The following RANBP17 variants were observed in gnomAD, a reference collection of about 807,000 sequenced individuals.
The protein encoded by RANBP17 is ran-binding protein 17.
RANBP17 carries 158 observed loss-of-function variants against 141.2 expected under a neutral mutation model. The ratio of observed to expected loss-of-function variants is 1.12; its 90% CI spans 0.98 to 1.28. RANBP17 has a LOEUF of 1.28. RANBP17 is among the 50% of genes most tolerant of loss of function. The pLI, the probability that RANBP17 is intolerant of heterozygous loss-of-function variation, is 0.00. For synonymous variants in RANBP17, 430 were observed against 450.0 expected, an observed-to-expected ratio of 0.96 and a Z score of 0.56; for missense variants, 1,438 against 1,290.7, an observed-to-expected ratio of 1.11 and a Z score of -1.75.
At chr5:170,890,167 A>G (rs927806805) in intron 3 of RANBP17, among the ~76,000 whole-genome samples, 12 of 152,180 alleles carry the variant, frequency 7.9e-5, no homozygotes, top group Admixed American at 3.9e-4. Context: ...TACTACCCAC[A>G]TAGGGTTTGC....
intron 13 of RANBP17, among the ~76,000 whole-genome samples, chr5:170,966,645 G>T (rs1398375225): frequency 2.6e-5 from 4 of 151,962 alleles, no homozygotes; most frequent in Non-Finnish European, 5.9e-5. Flanking sequence ...AGACAGGGAT[G>T]CCCTCTCTCA....
At chr5:170,957,387 TAC>T (rs1403765616) in intron 13 of RANBP17, among the ~76,000 whole-genome samples, 1 of 152,066 alleles carries the variant, frequency 6.6e-6, no homozygotes, top group African/African-American at 2.4e-5. Flanking sequence ...AGAAAACAAA[TAC>T]AGTCAATCTT....
At chr5:171,090,491 A>G (rs1043751060) in intron 14 of RANBP17, among the ~76,000 whole-genome samples, 5 of 152,170 alleles carry the variant, frequency 3.3e-5, no homozygotes, top group Non-Finnish European at 7.4e-5. Flanking sequence ...CAGCCTGACA[A>G]TGTGTTAGAA....
At chr5:171,201,260 G>A (rs1441964460) in intron 19 of RANBP17, among the ~76,000 whole-genome samples, 2 of 152,108 alleles carry the variant, frequency 1.3e-5, no homozygotes, top group African/African-American at 4.8e-5. Flanking sequence ...AACGGTATTT[G>A]CAAATAAAAT....
At chr5:170,970,692 A>T (rs552916281) in intron 14 of RANBP17, 2 of 151,940 alleles carry the variant, frequency 1.3e-5, no homozygotes, top group East Asian at 3.9e-4. Context: ...TTAAGACACT[A>T]TTTTTTTTAA....
At chr5:171,115,534 A>G (rs1483386462) in intron 14 of RANBP17, among the ~76,000 whole-genome samples, 7 of 152,214 alleles carry the variant, frequency 4.6e-5, no homozygotes, top group Admixed American at 4.6e-4. Context: ...GTAGGTATAG[A>G]TTTTAAATAA....
Position 171,277,637 on chromosome 5 carries a change from G to GTGTGTATATATA in RANBP17, c.2943+11791_2943+11792insGTGTATATATAT, listed in dbSNP as rs1437482589. On this transcript the variant is annotated intron_variant, in intron 25 of 27. Transcript: ENST00000523189. ...GTGCCTTACGTATACATATATGTAT[G>GTGTGTATATATA]TATATATATATATATATATATATAT... Among the ~76,000 whole-genome samples, 46 of 56,914 alleles carry GTGTGTATATATA rather than the reference G, an allele frequency of 8.1e-4. 1 individual carries two copies. The highest frequency in any genetic ancestry group is 1.6e-3 in the African/African-American group (28 of 17,220). The allele number at this position is 56,914 out of a possible 152,430, so 37.3% of individuals were successfully genotyped here.
intron 21 of RANBP17, among the ~76,000 whole-genome samples, chr5:171,218,559 T>C (rs1763362578): frequency 6.6e-6 from 1 of 152,208 alleles, no homozygotes; most frequent in African/African-American, 2.4e-5. Flanking sequence ...ACTTGTTTCA[T>C]GAATCTAGGT....
chr5:171,277,532 C>T (rs983202266), intron 25 of RANBP17, among the ~76,000 whole-genome samples: 4 of 147,158 alleles, frequency 2.7e-5, no homozygotes, highest in African/African-American at 1.0e-4. Context: ...ACCTCAGGCT[C>T]GAACAGAGAA....
rs116395318 is a variant in RANBP17, at chr5:171,022,018, T to C, written c.1710+53641T>C. On this transcript the variant is annotated intron_variant, in intron 14 of 27. Coordinates refer to ENST00000523189, the MANE Select transcript of RANBP17 (RefSeq NM_022897.5). ...TGCATTGTTTGTTTGTTTGTTTCAA[T>C]ATTCAGGTCCCTCCTCTGTAGGGTT... Among the ~76,000 whole-genome samples, 1,213 of 152,232 alleles carry C rather than the reference T, an allele frequency of 8.0e-3. 16 individuals carry two copies. The highest frequency in any genetic ancestry group is 0.028 in the African/African-American group (1,162 of 41,530).
At chr5:171,292,161 C>T (rs564368840) in intron 25 of RANBP17, among the ~76,000 whole-genome samples, 1 of 152,240 alleles carries the variant, frequency 6.6e-6, no homozygotes, top group East Asian at 1.9e-4. Context: ...CATGGAAACT[C>T]GTGATCTGCA....
chr5:171,095,995 A>T (rs1261049575), intron 14 of RANBP17, among the ~76,000 whole-genome samples: 2 of 152,168 alleles, frequency 1.3e-5, no homozygotes, highest in East Asian at 3.8e-4. Flanking sequence ...GTCATCACAA[A>T]GGTCTTTATT....
intron 14 of RANBP17, among the ~76,000 whole-genome samples, chr5:171,041,647 T>C (rs1782256311): frequency 6.6e-6 from 1 of 152,170 alleles, no homozygotes; most frequent in African/African-American, 2.4e-5. Context: ...AGCATGTTAC[T>C]ATACTGAATA....
chr5:170,972,338 C>T (rs1777051181), intron 14 of RANBP17, among the ~76,000 whole-genome samples: 1 of 151,982 alleles, frequency 6.6e-6, no homozygotes, highest in Admixed American at 6.6e-5. Context: ...TGCACCACCG[C>T]GCCTGGCTAA....
intron 5 of RANBP17, chr5:170,897,475 T>C (rs952740956): frequency 2.8e-6 from 1 of 354,746 alleles, no homozygotes; most frequent in African/African-American, 2.1e-5. Context: ...GTTACATAGG[T>C]ATACATGTGC....
At chr5:170,907,014 T>C (rs981288481) in intron 5 of RANBP17, among the ~76,000 whole-genome samples, 5 of 151,964 alleles carry the variant, frequency 3.3e-5, no homozygotes, top group Non-Finnish European at 1.5e-5. Flanking sequence ...ATTAAGCATT[T>C]CTGAACCAGG....
chr5:171,157,581 T>G (rs915813534), intron 14 of RANBP17, among the ~76,000 whole-genome samples: 6 of 152,220 alleles, frequency 3.9e-5, no homozygotes, highest in African/African-American at 1.4e-4. Context: ...TGGCAACATA[T>G]TTGCTGATGA....
chr5:171,178,702 T>G (rs1202456188), intron 16 of RANBP17, among the ~76,000 whole-genome samples: 4 of 152,204 alleles, frequency 2.6e-5, no homozygotes, highest in African/African-American at 9.6e-5. Flanking sequence ...GACTTTTTAA[T>G]GATCACCATT....
intron 24 of RANBP17, among the ~76,000 whole-genome samples, chr5:171,255,037 A>C (rs559076183): frequency 9.0e-4 from 137 of 152,346 alleles, no homozygotes; most frequent in Non-Finnish European, 1.6e-3. Flanking sequence ...AGAAAATTAT[A>C]ATATTTAGTA....
Sources: allele counts gnomAD v4.1 joint callset (sites outside exome capture counted in the v4.1 genomes callset), GRCh38; gene constraint gnomAD v4.1.1; transcripts MANE v1.5; gene names NCBI Gene and HGNC (gene_info 2026-07-23, HGNC 2026-07-21).